SLC2A9: variants seen among roughly 807,000 people sequenced by gnomAD.
SLC2A9 encodes solute carrier family 2 member 9.
In SLC2A9, 39 loss-of-function variants were observed where a neutral mutation model predicts 50.6. The observed-to-expected ratio is 0.77, with a 90% CI of 0.60 to 1.01. The LOEUF (loss-of-function observed/expected upper bound fraction) is 1.01, where lower values mean the gene tolerates loss of function less well. Ranked by LOEUF, SLC2A9 falls within the 50% of genes least tolerant of loss-of-function variation. SLC2A9 has a pLI of 0.00. For missense variants in SLC2A9, 686 were observed against 677.6 expected (o/e 1.01, Z -0.14); for synonymous variants, 324 against 276.9 (o/e 1.17, Z -1.69).
chr4:9,941,767 G>A (rs1163455382), intron 6 of SLC2A9, 146 bp downstream of exon 6: 2 of 1,144,378 alleles, frequency 1.7e-6, no homozygotes, highest in East Asian at 5.3e-5. Context: ...GAAATGAGAA[G>A]GTACCCTATG....
At chr4:9,910,962 A>C (rs553676667) in intron 7 of SLC2A9, among the ~76,000 whole-genome samples, 3 of 150,634 alleles carry the variant, frequency 2.0e-5, no homozygotes, top group South Asian at 2.1e-4. Context: ...AATACATGGA[A>C]ACAGAGAGGG....
intron 10 of SLC2A9, among the ~76,000 whole-genome samples, chr4:9,849,899 C>G (rs1729585588): frequency 6.6e-6 from 1 of 151,874 alleles, no homozygotes; most frequent in Admixed American, 6.6e-5. Flanking sequence ...TAACATTCTT[C>G]CTTTTTGGAT....
intron 3 of SLC2A9, among the ~76,000 whole-genome samples, chr4:9,990,621 G>A (rs1244236792): frequency 6.6e-6 from 1 of 152,090 alleles, no homozygotes; most frequent in Admixed American, 6.5e-5. Context: ...TCATGCGTCT[G>A]TAATACCAAA....
intron 10 of SLC2A9, among the ~76,000 whole-genome samples, chr4:9,840,463 G>GT (rs1205545828): frequency 2.0e-5 from 3 of 151,854 alleles, no homozygotes; most frequent in Admixed American, 6.6e-5. Context: ...TAGTTTTATT[G>GT]TTTTTTTCTG....
intron 5 of SLC2A9, among the ~76,000 whole-genome samples, chr4:9,971,908 C>G (rs1331556581): frequency 6.6e-6 from 1 of 152,248 alleles, no homozygotes; most frequent in East Asian, 1.9e-4. Flanking sequence ...GAACACCTGC[C>G]TAGCAACTGC....
At chr4:9,800,666 G>A (rs937023325) in intron 3 of SLC2A9, among the ~76,000 whole-genome samples, 1 of 152,080 alleles carries the variant, frequency 6.6e-6, no homozygotes, top group African/African-American at 2.4e-5. Flanking sequence ...AATTATTCAG[G>A]AAAAGGAACA....
intron 1 of SLC2A9, among the ~76,000 whole-genome samples, chr4:10,030,456 T>C (rs1194214144): frequency 6.6e-6 from 1 of 152,202 alleles, no homozygotes; most frequent in Non-Finnish European, 1.5e-5. Context: ...AACCCTAATG[T>C]ACAAAATGAC....
At chr4:9,959,253 G>T (rs528278494) in intron 5 of SLC2A9, among the ~76,000 whole-genome samples, 1 of 151,388 alleles carries the variant, frequency 6.6e-6, no homozygotes, top group Non-Finnish European at 1.5e-5. Context: ...TTAGCCAGGC[G>T]TGGTGGCGGG....
intron 5 of SLC2A9, among the ~76,000 whole-genome samples, chr4:9,965,624 G>A (rs968460938): frequency 1.3e-5 from 2 of 152,220 alleles, no homozygotes; most frequent in Admixed American, 1.3e-4. Context: ...AATGAATGAG[G>A]ATAACAAAAT....
At chr4:9,786,874 C>A (rs10001006) in intron 3 of SLC2A9, among the ~76,000 whole-genome samples, 2 of 151,966 alleles carry the variant, frequency 1.3e-5, no homozygotes, top group African/African-American at 4.8e-5. Flanking sequence ...TGCCATCTTG[C>A]GGGTAGAGGC....
chr4:10,026,936 C>T (rs1223619462), intron 1 of SLC2A9, among the ~76,000 whole-genome samples: 1 of 151,950 alleles, frequency 6.6e-6, no homozygotes, highest in Non-Finnish European at 1.5e-5. Flanking sequence ...CCCAGCTACT[C>T]GGGAGGCTGA....
chr4:9,893,589 TGAGG>T (rs1195191100), intron 8 of SLC2A9, among the ~76,000 whole-genome samples: 165 of 129,420 alleles, frequency 1.3e-3, no homozygotes, highest in African/African-American at 4.7e-3. Flanking sequence ...AGGGAGGGAG[TGAGG>T]GAGGGAGGGA....
At chr4:9,815,701 G>T (rs1172589809) in intron 3 of SLC2A9, among the ~76,000 whole-genome samples, 1 of 152,074 alleles carries the variant, frequency 6.6e-6, no homozygotes, top group Non-Finnish European at 1.5e-5. Flanking sequence ...TACATGTGTG[G>T]GATTAAAAGT....
chr4:9,782,877 G>T (rs1718670798), intron 3 of SLC2A9: 3 of 1,613,798 alleles, frequency 1.9e-6, no homozygotes, highest in South Asian at 2.2e-5. Flanking sequence ...CCCGACACCA[G>T]CCTGCGCGCT....
intron 3 of SLC2A9, among the ~76,000 whole-genome samples, chr4:9,799,692 A>ACCCCCCC (rs57223650): frequency 2.9e-3 from 203 of 69,810 alleles, no homozygotes; most frequent in East Asian, 7.3e-3. Context: ...TTCCAATTGT[A>ACCCCCCC]CCCCCCCCCC....
chr4:9,799,692 A>ACCCTCCCCCCCCCC (rs59100769), intron 3 of SLC2A9, among the ~76,000 whole-genome samples: 1 of 69,810 alleles, frequency 1.4e-5, no homozygotes, highest in East Asian at 4.8e-4. Flanking sequence ...TTCCAATTGT[A>ACCCTCCCCCCCCCC]CCCCCCCCCC....
chr4:9,944,495 T>C (rs566308257), intron 5 of SLC2A9, among the ~76,000 whole-genome samples: 15 of 151,862 alleles, frequency 9.9e-5, no homozygotes, highest in Non-Finnish European at 2.1e-4. Flanking sequence ...TTAAGGGGGG[T>C]CGCATGGGTG....
intron 5 of SLC2A9, among the ~76,000 whole-genome samples, chr4:9,961,853 A>G (rs1430936779): frequency 6.6e-6 from 1 of 152,250 alleles, no homozygotes; most frequent in East Asian, 1.9e-4. Flanking sequence ...AGGAACTTAA[A>G]CAAATTTATA....
chr4:10,023,074 G>A (rs759080465), upstream of SLC2A9, among the ~76,000 whole-genome samples: 1 of 152,188 alleles, frequency 6.6e-6, no homozygotes, highest in Non-Finnish European at 1.5e-5. Flanking sequence ...ACCTAAAAAG[G>A]CGGAGGATTC....
Sources: allele counts gnomAD v4.1 joint callset (sites outside exome capture counted in the v4.1 genomes callset), GRCh38; gene constraint gnomAD v4.1.1; transcripts MANE v1.5; gene names NCBI Gene and HGNC (gene_info 2026-07-23, HGNC 2026-07-21).